LMBRD1: variants seen among roughly 807,000 people sequenced by gnomAD.
LMBRD1 encodes the protein lysosomal cobalamin transport escort protein LMBD1.
Under a neutral mutation model 74.8 loss-of-function variants are expected in LMBRD1, and 64 were observed. The ratio of observed to expected loss-of-function variants is 0.86; its 90% CI spans 0.70 to 1.05. The LOEUF (loss-of-function observed/expected upper bound fraction) is 1.05. LMBRD1 is among the 50% of genes least tolerant of loss of function. The probability of loss-of-function intolerance (pLI) is 0.00; values close to 1 mark genes in which losing one functional copy is unlikely to be tolerated. For missense variants in LMBRD1, 652 were observed against 645.9 expected (o/e 1.01, Z -0.10); for synonymous variants, 204 against 216.3 (o/e 0.94, Z 0.50).
intron 8 of LMBRD1, among the ~76,000 whole-genome samples, chr6:69,715,093 T>C (rs1386754371): frequency 6.6e-6 from 1 of 151,896 alleles, no homozygotes; most frequent in African/African-American, 2.4e-5. Context: ...AAACGAAAAC[T>C]AAGAGGGATT....
chr6:69,713,760 C>A lies in LMBRD1; in HGVS notation c.800G>T (p.Arg267Leu). Residue 267 changes from arginine to leucine, a missense_variant, in exon 9 of 16, where the codon CGC becomes CTC. Coordinates refer to ENST00000649934, the MANE Select transcript of LMBRD1 (RefSeq NM_018368.4). ...DGRPLPARDK[R>L]ALKQFEERLR... is the part of the protein sequence containing the mutation. Reference sequence around the variant, plus strand: ...CCTTTCTTCAAATTGTTTTAAGGCGCGTTTATCCCTTGCTGGCAAAGGTCG... The same window carrying A: ...CCTTTCTTCAAATTGTTTTAAGGCGAGTTTATCCCTTGCTGGCAAAGGTCG... 1 of 1,613,602 alleles carries A rather than the reference C, an allele frequency of 6.2e-7. No individual in the cohort carries two copies. The highest frequency in any genetic ancestry group is 8.5e-7 in the Non-Finnish European group (1 of 1,179,696).
intron 3 of LMBRD1, among the ~76,000 whole-genome samples, chr6:69,773,857 T>C (rs528407558): frequency 1.2e-4 from 18 of 152,340 alleles, no homozygotes; most frequent in African/African-American, 3.4e-4. Flanking sequence ...TATGTTAATA[T>C]AGTAATAAGA....
chr6:69,790,507 C>A, intron 1 of LMBRD1, 35 bp from the exon 2 acceptor site: 1 of 1,589,200 alleles, frequency 6.3e-7, no homozygotes, highest in South Asian at 1.1e-5. Flanking sequence ...TTGTTACTAC[C>A]CAGTGTATTT....
chr6:69,786,069 C>T (rs916143313), intron 2 of LMBRD1, among the ~76,000 whole-genome samples: 1 of 152,186 alleles, frequency 6.6e-6, no homozygotes, highest in Non-Finnish European at 1.5e-5. Flanking sequence ...TAGAATTTAT[C>T]ACTATAAAGT....
At chr6:69,706,006 T>A (rs1268395193) in intron 9 of LMBRD1, 1 of 799,144 alleles carries the variant, frequency 1.3e-6, no homozygotes, top group East Asian at 2.5e-5. Context: ...ATCTTTTCCA[T>A]CAGCCCCTAA....
At chr6:69,704,907 GT>G (rs61054932) in intron 9 of LMBRD1, among the ~76,000 whole-genome samples, 12,890 of 137,288 alleles carry the variant, frequency 0.094, 739 homozygotes, top group Admixed American at 0.15. Flanking sequence ...TTGGACATTT[GT>G]TTTTTTTTTT....
chr6:69,751,895 T>C (rs1479407161), intron 4 of LMBRD1, among the ~76,000 whole-genome samples: 1 of 152,204 alleles, frequency 6.6e-6, no homozygotes, highest in Non-Finnish European at 1.5e-5. Flanking sequence ...GTATGCCTGA[T>C]CTAGAATTGC....
chr6:69,781,351 G>A (rs938629185), intron 2 of LMBRD1, among the ~76,000 whole-genome samples: 1 of 152,096 alleles, frequency 6.6e-6, no homozygotes, highest in Non-Finnish European at 1.5e-5. Flanking sequence ...TAAACGTGGA[G>A]AATCTAAAGG....
At position 69,713,156 on chromosome 6, in the gene LMBRD1, C is replaced by T. The variant is rs145427264; in HGVS notation, c.915+489G>A. Among the ~76,000 whole-genome samples, 10 of 152,088 alleles carry T rather than the reference C, an allele frequency of 6.6e-5. No homozygotes were observed. The East Asian group carries it at 7.7e-4, about 12-fold the overall frequency. On this transcript the variant is annotated intron_variant, in intron 9 of 15. Coordinates refer to ENST00000649934, the MANE Select transcript of LMBRD1 (RefSeq NM_018368.4). ...ACCTAGTCAATTTATTTTTGATAAG[C>T]GTACCATGAATACATACTAAGGAAA...
chr6:69,745,094 A>C (rs553352956), intron 5 of LMBRD1, among the ~76,000 whole-genome samples: 17 of 151,802 alleles, frequency 1.1e-4, no homozygotes, highest in Non-Finnish European at 2.4e-4. Context: ...TCGGCCTCCC[A>C]AAGTGCTGGG....
At chr6:69,787,828 T>C (rs1220916335) in intron 2 of LMBRD1, among the ~76,000 whole-genome samples, 2 of 152,232 alleles carry the variant, frequency 1.3e-5, no homozygotes, top group African/African-American at 2.4e-5. Flanking sequence ...TTCTAAATAT[T>C]AGTGTAACAT....
At chr6:69,724,282 CGGA>C (rs1554234707) in intron 7 of LMBRD1, among the ~76,000 whole-genome samples, 1 of 144,920 alleles carries the variant, frequency 6.9e-6, no homozygotes, top group Non-Finnish European at 1.5e-5. Context: ...CTCCAAAATA[CGGA>C]GGAGGAGGAA....
chr6:69,771,163 G>T (rs1311966297), intron 3 of LMBRD1, among the ~76,000 whole-genome samples: 1 of 152,168 alleles, frequency 6.6e-6, no homozygotes, highest in East Asian at 1.9e-4. Flanking sequence ...GTTTAGCTGG[G>T]TCCCCAAGCT....
intron 14 of LMBRD1, among the ~76,000 whole-genome samples, chr6:69,681,300 A>G (rs1765655652): frequency 6.6e-6 from 1 of 152,006 alleles, no homozygotes; most frequent in Non-Finnish European, 1.5e-5. Flanking sequence ...CTCTTCTCAC[A>G]TATCATCAAA....
At position 69,749,120 on chromosome 6, in the gene LMBRD1, G is replaced by A. The variant is rs73481771; in HGVS notation, c.473+221C>T. Among the ~76,000 whole-genome samples, 1,052 of 152,010 alleles carry A rather than the reference G, an allele frequency of 6.9e-3. 14 individuals carry two copies. The highest frequency in any genetic ancestry group is 0.021 in the African/African-American group (881 of 41,500). On this transcript the variant is annotated intron_variant, in intron 5 of 15. Coordinates refer to ENST00000649934, the MANE Select transcript of LMBRD1 (RefSeq NM_018368.4). Reference sequence around the variant, plus strand: ...ATGTAGAATGCATGCAAGAAGGGAGGTGAACTCTGCTTGCATTCAAGCACA... The same window carrying A: ...ATGTAGAATGCATGCAAGAAGGGAGATGAACTCTGCTTGCATTCAAGCACA...
chr6:69,722,174 T>C lies in LMBRD1; in HGVS notation c.637-3093A>G, dbSNP rs1430580047. On this transcript the variant is annotated intron_variant, in intron 7 of 15. Coordinates refer to ENST00000649934, the MANE Select transcript of LMBRD1 (RefSeq NM_018368.4). The stretch of plus-strand genomic sequence containing the variant: ...TGCTGAAGATAGAAAAATTTTACCC[T>C]AGAATAGTATATCCAGTGAAAATAT... Among the ~76,000 whole-genome samples the C allele has an allele frequency of 2.0e-5, 3 of 152,126 alleles. No individual in the cohort carries two copies. In the South Asian group the frequency reaches 6.2e-4, roughly 32 times the overall value.
intron 14 of LMBRD1, among the ~76,000 whole-genome samples, chr6:69,694,071 G>C (rs1765944991): frequency 6.6e-6 from 1 of 151,962 alleles, no homozygotes; most frequent in Non-Finnish European, 1.5e-5. Flanking sequence ...CTATAAATTA[G>C]ACTGTAAAAG....
At chr6:69,685,571 C>T (rs1322846151) in intron 14 of LMBRD1, among the ~76,000 whole-genome samples, 13 of 152,066 alleles carry the variant, frequency 8.5e-5, no homozygotes, top group African/African-American at 1.2e-4. Flanking sequence ...GAGGCTGAGG[C>T]GGGCAGATCA....
chr6:69,697,414 A>G (rs1766026363), intron 14 of LMBRD1, 149 bp downstream of exon 14: 1 of 610,314 alleles, frequency 1.6e-6, no homozygotes, highest in East Asian at 2.7e-5. Flanking sequence ...TCAACAAGAA[A>G]TTCTACTGAA....
Sources: allele counts gnomAD v4.1 joint callset (sites outside exome capture counted in the v4.1 genomes callset), GRCh38; gene constraint gnomAD v4.1.1; transcripts MANE v1.5; gene names NCBI Gene and HGNC (gene_info 2026-07-23, HGNC 2026-07-21).